Variants in PADI2 observed in about 807,000 individuals in gnomAD.
The protein encoded by PADI2 is protein-arginine deiminase type-2.
In PADI2, 70 loss-of-function variants were observed where a neutral mutation model predicts 81.1. That is an observed-to-expected ratio of 0.86 (90% CI 0.71 to 1.05). PADI2 has a LOEUF of 1.05. Among genes scored for constraint, PADI2 ranks in the 50% least tolerant of loss-of-function variants. The pLI is 0.00. For missense variants in PADI2, 853 were observed against 889.9 expected, an observed-to-expected ratio of 0.96 and a Z score of 0.53; for synonymous variants, 338 against 358.0, an observed-to-expected ratio of 0.94 and a Z score of 0.63.
At chr1:17,085,472 C>G (rs952771103) in intron 7 of PADI2, among the ~76,000 whole-genome samples, 2 of 152,116 alleles carry the variant, frequency 1.3e-5, no homozygotes, top group Non-Finnish European at 2.9e-5. Context: ...GCCCCATCCC[C>G]GTCCCCTATC....
chr1:17,081,037 GGCCTGGGCCTCAAGGAACAACGCA>G (rs1223452560), intron 10 of PADI2, among the ~76,000 whole-genome samples: 1 of 152,222 alleles, frequency 6.6e-6, no homozygotes, highest in Admixed American at 6.5e-5. Context: ...AGCCGGGCCT[GGCCTGGGCCTCAAGGAACAACGCA>G]GCCTGGGGCC....
chr1:17,100,940 G>A (rs966255209), intron 3 of PADI2, among the ~76,000 whole-genome samples: 26 of 152,198 alleles, frequency 1.7e-4, no homozygotes, highest in African/African-American at 5.3e-4. Context: ...GATTACAGGC[G>A]TGAGACACCG....
chr1:17,095,654 C>T (rs146452404), intron 4 of PADI2, among the ~76,000 whole-genome samples: 2,603 of 152,310 alleles, frequency 0.017, 50 homozygotes, highest in Middle Eastern at 0.034. Flanking sequence ...GCACATTTAT[C>T]CTTCCCAGCA....
intron 7 of PADI2, 92 bp from the exon 8 acceptor site, chr1:17,084,794 G>A (rs2078373552): frequency 1.4e-6 from 1 of 731,048 alleles, no homozygotes; most frequent in South Asian, 1.7e-5. Context: ...TGATGACAGT[G>A]AATACATTTC....
intron 6 of PADI2, among the ~76,000 whole-genome samples, chr1:17,090,672 T>G (rs1930658461): frequency 6.6e-6 from 1 of 151,294 alleles, no homozygotes; most frequent in Non-Finnish European, 1.5e-5. Context: ...AACTGTCTCT[T>G]CTGGGTCCCC....
rs750731560 is a variant in PADI2 at position 17,086,614 on chromosome 1, C to T, written c.741G>A (p.Glu247=). 3 of 1,614,076 alleles carry T rather than the reference C, an allele frequency of 1.9e-6. No individual in the cohort carries two copies. Among genetic ancestry groups the T allele is most frequent in the South Asian group, 2.2e-5 (2 of 91,082 alleles). ...HVVKYTGGSA[E]LLFFVEGLCF... Reference sequence around the variant, plus strand: ...AGAGGCCTTCCACGAAGAACAGCAGCTCCGCGGAGCCACCCGTGTACTTGA... The same window carrying T: ...AGAGGCCTTCCACGAAGAACAGCAGTTCCGCGGAGCCACCCGTGTACTTGA... Residue 247 remains glutamate (E), a synonymous_variant, in exon 7 of 16, where the codon GAG becomes GAA. Transcript: ENST00000375486.
chr1:17,086,690 A>G lies in PADI2; in HGVS notation c.665T>C (p.Phe222Ser), dbSNP rs781669543. The G allele has an allele frequency of 6.2e-7, 1 of 1,613,882 alleles. No individual in the cohort carries two copies. Among genetic ancestry groups the G allele is most frequent in the South Asian group, 1.1e-5 (1 of 90,954 alleles). The change falls in exon 7 of 16, where the codon TTC becomes TCC. Residue 222 changes from phenylalanine to serine, a missense_variant. Physicochemically the swap from Phe to Ser is radical, Grantham distance 155 (BLOSUM62 -2). Transcript: ENST00000375486. Reference protein sequence around the residue: ...VGVFYVENPFFGQRYIHILGR... With the variant: ...VGVFYVENPFSGQRYIHILGR... ...CAGGATGTGGATATAGCGTTGGCCGAAGAACGGGTCTGGAGGGAAAAGGAC... is the reference window on the plus strand; with the variant it reads ...CAGGATGTGGATATAGCGTTGGCCGGAGAACGGGTCTGGAGGGAAAAGGAC...
chr1:17,083,195 A>C (rs2101583764), intron 9 of PADI2: 1 of 156,362 alleles, frequency 6.4e-6, no homozygotes, highest in Middle Eastern at 3.2e-3. Context: ...TAAAAAACAC[A>C]ATAACCAGGC....
Position 17,067,240 on chromosome 1 carries a change from C to G in PADI2, c.*1804G>C, listed in dbSNP as rs569070075. 7.9e-6 allele frequency: 1 copy of G among 126,496 alleles called. No homozygotes were observed. The highest frequency in any genetic ancestry group is 2.1e-4 in the East Asian group (1 of 4,704). 7.8% of individuals were successfully genotyped at this position (126,496 alleles called of 1,614,324 possible). A position where few individuals can be genotyped will look rare whatever the true frequency, so the allele number is the denominator to read the frequency against. The stretch of plus-strand genomic sequence containing the variant: ...AAAAAAAAGAAAGAAAACCCATAAA[C>G]CCACATTAACCAAACACACACACAC... On this transcript the variant is annotated 3_prime_UTR_variant, in exon 16 of 16. Transcript: ENST00000375486.
At chr1:17,109,498 T>A (rs1931501074) in intron 1 of PADI2, among the ~76,000 whole-genome samples, 2 of 151,610 alleles carry the variant, frequency 1.3e-5, no homozygotes, top group Admixed American at 1.3e-4. Context: ...GTTTATTTAT[T>A]TATTTTCTTA....
chr1:17,096,959 G>A (rs1557768050), intron 3 of PADI2, among the ~76,000 whole-genome samples: 3 of 152,250 alleles, frequency 2.0e-5, no homozygotes, highest in Non-Finnish European at 4.4e-5. Context: ...CCTACCAGAT[G>A]CCAGTAACAT....
intron 6 of PADI2, among the ~76,000 whole-genome samples, chr1:17,087,388 C>T (rs963927900): frequency 2.0e-5 from 3 of 152,222 alleles, no homozygotes; most frequent in Non-Finnish European, 1.5e-5. Flanking sequence ...GTGTCACTTG[C>T]AACAATCCAG....
chr1:17,092,506 A>G lies in PADI2; in HGVS notation c.557T>C (p.Leu186Pro). The change falls in exon 6 of 16, where the codon CTG (leucine) becomes CCG (proline). Residue 186 changes from leucine (L) to proline (P), a missense_variant. Leu to Pro is a moderately conservative substitution (Grantham distance 98, BLOSUM62 -3). Transcript: ENST00000375486. Reference sequence around the variant, plus strand: ...GAGGCGGTCGGGGCCTTTGGTCCGCAGGATCATCTGGGACATGTCCTTGAG... The same window carrying G: ...GAGGCGGTCGGGGCCTTTGGTCCGCGGGATCATCTGGGACATGTCCTTGAG... ...EDLKDMSQMILRTKGPDRLPA... is the reference protein window; with the variant it reads ...EDLKDMSQMIPRTKGPDRLPA... 6.2e-7 allele frequency: 1 copy of G among 1,605,674 alleles called. No individual in the cohort carries two copies. The highest frequency in any genetic ancestry group is 8.5e-7 in the Non-Finnish European group (1 of 1,176,618).
chr1:17,071,086 G>A (rs2078261567), intron 14 of PADI2, among the ~76,000 whole-genome samples: 1 of 152,194 alleles, frequency 6.6e-6, no homozygotes, highest in Admixed American at 6.5e-5. Context: ...TTACAGGCAT[G>A]AGACACTGTG....
chr1:17,107,449 C>T (rs1931423280), intron 1 of PADI2, among the ~76,000 whole-genome samples: 1 of 152,214 alleles, frequency 6.6e-6, no homozygotes, highest in African/African-American at 2.4e-5. Context: ...GCAGCAGTGT[C>T]TGGGGCGGCG....
At chr1:17,090,836 T>C (rs1930665992) in intron 6 of PADI2, among the ~76,000 whole-genome samples, 1 of 152,058 alleles carries the variant, frequency 6.6e-6, no homozygotes, top group Non-Finnish European at 1.5e-5. Context: ...GATGAGATTA[T>C]GGAACCAGAC....
intron 1 of PADI2, among the ~76,000 whole-genome samples, chr1:17,108,847 T>C (rs868109674): frequency 2.0e-5 from 3 of 152,144 alleles, no homozygotes; most frequent in Non-Finnish European, 2.9e-5. Flanking sequence ...GTGAGACAGG[T>C]TGAAGATGGT....
At chr1:17,114,316 C>A (rs56228515) in intron 1 of PADI2, among the ~76,000 whole-genome samples, 1,737 of 152,242 alleles carry the variant, frequency 0.011, 36 homozygotes, top group African/African-American at 0.039. Context: ...ATTCAGGGAG[C>A]CCTTCATTGA....
At chr1:17,075,476 T>C in intron 12 of PADI2, 1 of 501,544 alleles carries the variant, frequency 2.0e-6, no homozygotes, top group South Asian at 3.1e-5. Context: ...TTTAGGCTGA[T>C]TATGTGTTGC....
Sources: gnomAD v4.1 joint callset for allele counts (sites outside exome capture counted in the v4.1 genomes callset) on GRCh38, gnomAD v4.1.1 for gene constraint, MANE v1.5 for transcripts, NCBI Gene and HGNC (gene_info 2026-07-23, HGNC 2026-07-21) for gene names.